The following SUPT3H variants were observed in gnomAD, a reference collection of about 807,000 sequenced individuals.
The protein encoded by SUPT3H is SPT3 homolog, SAGA and STAGA complex component.
Under a neutral mutation model 44.3 loss-of-function variants are expected in SUPT3H, and 44 were observed. That is an observed-to-expected ratio of 0.99 (90% CI 0.78 to 1.28). The LOEUF is 1.28. SUPT3H is among the 50% of genes most tolerant of loss of function. The pLI is 0.00. For synonymous variants in SUPT3H, 124 were observed against 125.6 expected (o/e 0.99, Z 0.09); for missense variants, 380 against 387.1 (o/e 0.98, Z 0.15).
intron 3 of SUPT3H, among the ~76,000 whole-genome samples, chr6:45,031,589 T>C (rs1786947465): frequency 6.6e-6 from 1 of 152,206 alleles, no homozygotes; most frequent in African/African-American, 2.4e-5. Flanking sequence ...GCTGATCTTT[T>C]TGGTCCTCAG....
intron 2 of SUPT3H, among the ~76,000 whole-genome samples, chr6:45,165,152 A>T (rs1809635519): frequency 6.6e-6 from 1 of 152,190 alleles, no homozygotes; most frequent in Non-Finnish European, 1.5e-5. Flanking sequence ...GCACAGAGAG[A>T]AATTCCCTGT....
rs1581987525 is a variant in SUPT3H, at chr6:44,851,541, C to T, written c.913-21684G>A. Among the ~76,000 whole-genome samples, 3 of 152,314 alleles carry T rather than the reference C, an allele frequency of 2.0e-5. No individual in the cohort carries two copies. In the South Asian group the frequency reaches 6.2e-4, roughly 32 times the overall value. On this transcript the variant is annotated intron_variant, in intron 10 of 10. Transcript: ENST00000371459. The stretch of plus-strand genomic sequence containing the variant: ...CTAGTGATGAGAAAAAGTGTGATTT[C>T]TTTATTGAAGAGCCATCATTGAGTT...
chr6:45,079,020 T>A (rs1453350054), intron 3 of SUPT3H, among the ~76,000 whole-genome samples: 5 of 152,256 alleles, frequency 3.3e-5, no homozygotes, highest in Admixed American at 6.5e-5. Flanking sequence ...ATTATTTTGT[T>A]ACATATATTG....
chr6:45,104,712 AC>A (rs1461946204), intron 3 of SUPT3H, among the ~76,000 whole-genome samples: 1 of 152,118 alleles, frequency 6.6e-6, no homozygotes, highest in African/African-American at 2.4e-5. Flanking sequence ...AGTTAAAAAA[AC>A]AAATTAACAA....
intron 3 of SUPT3H, among the ~76,000 whole-genome samples, chr6:45,056,284 G>A (rs1366360720): frequency 6.6e-6 from 1 of 152,140 alleles, no homozygotes; most frequent in Non-Finnish European, 1.5e-5. Context: ...ATTCCTTAAA[G>A]AACTGAAAGT....
At chr6:45,366,111 A>G (rs1262433464) in intron 1 of SUPT3H, among the ~76,000 whole-genome samples, 1 of 152,216 alleles carries the variant, frequency 6.6e-6, no homozygotes, top group East Asian at 1.9e-4. Flanking sequence ...GAAGTGCTCA[A>G]TAAACATTAG....
intron 6 of SUPT3H, among the ~76,000 whole-genome samples, chr6:44,985,711 T>C (rs1219278743): frequency 6.6e-6 from 1 of 152,198 alleles, no homozygotes; most frequent in African/African-American, 2.4e-5. Context: ...TTCTGAAATC[T>C]TCTCAACTTC....
intron 3 of SUPT3H, among the ~76,000 whole-genome samples, chr6:45,079,329 C>G (rs1292033640): frequency 8.6e-5 from 13 of 150,640 alleles, no homozygotes; most frequent in African/African-American, 2.7e-4. Context: ...ATAGCCAAAC[C>G]ACACTCAGCA....
intron 10 of SUPT3H, among the ~76,000 whole-genome samples, chr6:44,902,494 T>C (rs1765250339): frequency 2.0e-5 from 3 of 152,154 alleles, no homozygotes; most frequent in African/African-American, 7.2e-5. Flanking sequence ...ATCCTAAATA[T>C]ATATGCACCC....
At chr6:45,243,961 A>T (rs932840167) in intron 2 of SUPT3H, among the ~76,000 whole-genome samples, 2 of 152,152 alleles carry the variant, frequency 1.3e-5, no homozygotes, top group African/African-American at 4.8e-5. Flanking sequence ...GGCTCACTGC[A>T]GCCTCAACAT....
intron 2 of SUPT3H, among the ~76,000 whole-genome samples, chr6:45,348,072 G>T (rs1791252783): frequency 6.6e-6 from 1 of 151,868 alleles, no homozygotes; most frequent in South Asian, 2.1e-4. Context: ...CCTCTAAATG[G>T]CCTGCTTATG....
intron 2 of SUPT3H, among the ~76,000 whole-genome samples, chr6:45,172,738 C>T (rs571428729): frequency 1.9e-3 from 288 of 151,624 alleles, no homozygotes; most frequent in African/African-American, 6.8e-3. Context: ...ACTACAGGTG[C>T]GCACCACCGT....
intron 2 of SUPT3H, among the ~76,000 whole-genome samples, chr6:45,183,606 T>A (rs1459072990): frequency 6.6e-6 from 1 of 152,092 alleles, no homozygotes; most frequent in Non-Finnish European, 1.5e-5. Flanking sequence ...TACCAAGCCA[T>A]TCAGGAGGGA....
chr6:45,264,393 C>G (rs1774907944), intron 2 of SUPT3H, among the ~76,000 whole-genome samples: 1 of 152,132 alleles, frequency 6.6e-6, no homozygotes, highest in African/African-American at 2.4e-5. Context: ...GGCACGGTGG[C>G]TCACGCCTGT....
At chr6:45,321,526 T>C (rs1379422426) in intron 2 of SUPT3H, among the ~76,000 whole-genome samples, 1 of 152,174 alleles carries the variant, frequency 6.6e-6, no homozygotes, top group African/African-American at 2.4e-5. Flanking sequence ...TATAAAAACA[T>C]GATAGCATTA....
rs186053758 is a variant in SUPT3H at position 45,045,255 on chromosome 6, C to T, written c.187-24623G>A. Reference sequence around the variant, plus strand: ...CCATCAGTGGTCTATGGGGACCATACTTTGAGAACTACCGTTATAAGAAAT... The same window carrying T: ...CCATCAGTGGTCTATGGGGACCATATTTTGAGAACTACCGTTATAAGAAAT... On this transcript the variant is annotated intron_variant, in intron 3 of 10. Coordinates refer to ENST00000371459, the MANE Select transcript of SUPT3H (RefSeq NM_003599.4). Among the ~76,000 whole-genome samples, 237 of 152,238 alleles carry T rather than the reference C, an allele frequency of 1.6e-3. 3 individuals carry two copies. Among genetic ancestry groups the T allele is most frequent in the Non-Finnish European group, 2.4e-3 (161 of 68,002 alleles).
intron 2 of SUPT3H, among the ~76,000 whole-genome samples, chr6:45,211,458 T>A (rs1764066525): frequency 6.6e-6 from 1 of 152,182 alleles, no homozygotes; most frequent in East Asian, 1.9e-4. Context: ...ATAAAAATGA[T>A]TATTTTTATT....
chr6:45,077,832 AGT>A (rs1197057452), intron 3 of SUPT3H, among the ~76,000 whole-genome samples: 4 of 152,068 alleles, frequency 2.6e-5, no homozygotes, highest in Admixed American at 2.6e-4. Flanking sequence ...AATTTCAAGA[AGT>A]TTTAAAAAGG....
intron 6 of SUPT3H, among the ~76,000 whole-genome samples, chr6:44,973,135 T>C (rs186753808): frequency 6.6e-6 from 1 of 152,234 alleles, no homozygotes; most frequent in Non-Finnish European, 1.5e-5. Context: ...CTTTTAAACA[T>C]AAGTTCCAAT....
Sources: gnomAD v4.1 joint callset for allele counts (sites outside exome capture counted in the v4.1 genomes callset) on GRCh38, gnomAD v4.1.1 for gene constraint, MANE v1.5 for transcripts, NCBI Gene and HGNC (gene_info 2026-07-23, HGNC 2026-07-21) for gene names.